Variants in TBC1D9 observed in about 807,000 individuals in gnomAD.
TBC1D9 encodes TBC1 domain family member 9A.
Under a neutral mutation model 132.0 loss-of-function variants are expected in TBC1D9, and 63 were observed. The ratio of observed to expected loss-of-function variants is 0.48; its 90% CI spans 0.39 to 0.59. TBC1D9 has a LOEUF of 0.59. TBC1D9 is among the 20% of genes least tolerant of loss of function. The probability of loss-of-function intolerance (pLI) is 0.00; values close to 1 mark genes in which losing one functional copy is unlikely to be tolerated. For missense variants in TBC1D9, 1,261 were observed against 1,592.7 expected, an observed-to-expected ratio of 0.79 and a Z score of 3.54; for synonymous variants, 610 against 609.9, an observed-to-expected ratio of 1.00 and a Z score of 0.00.
rs115212684 is a variant in TBC1D9 at position 140,681,520 on chromosome 4, A to C, written c.361-1677T>G. 7.1e-3 allele frequency among the ~76,000 whole-genome samples: 1,079 copies of C among 152,286 alleles called. 7 individuals carry two copies. The highest frequency in any genetic ancestry group is 0.025 in the African/African-American group (1,030 of 41,560). On this transcript the variant is annotated intron_variant, in intron 3 of 20. Transcript: ENST00000442267. Reference sequence around the variant, plus strand: ...AAAAGTAAGCATGTAGACAATAATCATAACAGCAAATGGTGGGCTTACGAT... The same window carrying C: ...AAAAGTAAGCATGTAGACAATAATCCTAACAGCAAATGGTGGGCTTACGAT...
chr4:140,688,303 A>T (rs1467647730), intron 2 of TBC1D9, among the ~76,000 whole-genome samples: 1 of 152,186 alleles, frequency 6.6e-6, no homozygotes, highest in Non-Finnish European at 1.5e-5. Context: ...CTCTGCCACC[A>T]GTCACCTGGG....
intron 1 of TBC1D9, among the ~76,000 whole-genome samples, chr4:140,742,729 C>T (rs931829613): frequency 3.3e-5 from 5 of 151,986 alleles, no homozygotes; most frequent in Admixed American, 3.3e-4. Flanking sequence ...CCACAAACCC[C>T]CAAAGAGAAA....
Position 140,756,140 on chromosome 4 carries a change from C to T in TBC1D9, c.-95G>A. 10 of 1,018,178 alleles carry T rather than the reference C, an allele frequency of 9.8e-6. No individual in the cohort carries two copies. Among genetic ancestry groups the T allele is most frequent in the East Asian group, 3.2e-5 (1 of 30,870 alleles). 63.1% of individuals were successfully genotyped at this position (1,018,178 alleles called of 1,614,324 possible). On this transcript the variant is annotated 5_prime_UTR_variant, in exon 1 of 21. Coordinates refer to ENST00000442267, the MANE Select transcript of TBC1D9 (RefSeq NM_015130.3). This position sits in a 1 kb window ranked among gnomAD's most constrained non-coding sequence, Gnocchi z 5.6. ...GCGCGCACTCCTGGGCACACGCGCG[C>T]CCGCCCGCCCGTCCGCTAGGTGCGG...
Position 140,745,553 on chromosome 4 carries a change from T to C in TBC1D9, c.130+10363A>G, listed in dbSNP as rs115474782. On this transcript the variant is annotated intron_variant, in intron 1 of 20. Coordinates refer to ENST00000442267, the MANE Select transcript of TBC1D9 (RefSeq NM_015130.3). Reference sequence around the variant, plus strand: ...TGAACCACTTCCATTTAATGAACAGTAAATATACTTTCTTTTCCTTAGGAT... The same window carrying C: ...TGAACCACTTCCATTTAATGAACAGCAAATATACTTTCTTTTCCTTAGGAT... Among the ~76,000 whole-genome samples, 384 of 152,306 alleles carry C rather than the reference T, an allele frequency of 2.5e-3. 2 individuals are homozygous for C. Among genetic ancestry groups the C allele is most frequent in the African/African-American group, 8.3e-3 (347 of 41,566 alleles).
In TBC1D9 at chr4:140,627,525, G is replaced by T; in HGVS notation, c.2815C>A (p.Pro939Thr). ...LLYKMHVLPE[P>T]SSDQDEPDSA... ...TCTGGTTCATCTTGATCAGAGGATGGCTCTAGGGAGGGGAGGAAACATAGT... is the reference window on the plus strand; with the variant it reads ...TCTGGTTCATCTTGATCAGAGGATGTCTCTAGGGAGGGGAGGAAACATAGT... Residue 939 changes from proline to threonine, a missense_variant and splice_region_variant, in exon 18 of 21, where the codon CCA (proline) becomes ACA (threonine). By Grantham distance (38) the Pro-to-Thr change is conservative (BLOSUM62 -1). Around this residue, in one of 3 missense-constraint regions of TBC1D9, gnomAD observed 618 missense variants for 724.4 expected, o/e 0.85. Transcript: ENST00000442267. 1 of 1,600,810 alleles carries T rather than the reference G, an allele frequency of 6.2e-7. No homozygotes were observed. Among genetic ancestry groups the T allele is most frequent in the Non-Finnish European group, 8.5e-7 (1 of 1,169,982 alleles).
intron 1 of TBC1D9, among the ~76,000 whole-genome samples, chr4:140,730,933 G>A (rs1292140642): frequency 2.6e-5 from 4 of 152,158 alleles, no homozygotes; most frequent in African/African-American, 7.2e-5. Context: ...GATGCTTTGA[G>A]CTGGTATTCC....
intron 1 of TBC1D9, among the ~76,000 whole-genome samples, chr4:140,736,099 A>G (rs1738669103): frequency 6.6e-6 from 1 of 152,164 alleles, no homozygotes. Context: ...AGAAAGCTAC[A>G]TGATACCTCC....
chr4:140,718,266 T>C (rs1463575129), intron 1 of TBC1D9, among the ~76,000 whole-genome samples: 1 of 128,308 alleles, frequency 7.8e-6, no homozygotes, highest in Non-Finnish European at 1.6e-5. Flanking sequence ...AAAAAAAAAG[T>C]ACATTCAGCT....
intron 13 of TBC1D9, chr4:140,642,718 T>A: frequency 1.5e-6 from 1 of 654,582 alleles, no homozygotes; most frequent in Non-Finnish European, 2.7e-6. Context: ...CCTTGGGCCC[T>A]TTGTGTCTCT....
At position 140,670,810 on chromosome 4, in the gene TBC1D9, C is replaced by T. The variant is rs754181336; in HGVS notation, c.1176G>A (p.Val392=). ...GTTGCAGGAAATCTGAGATCCTCTG[C>T]ACTAGAAAGTCTCTATCTTTCAAGT... The part of the protein sequence containing the change: ...FANLKDRDFL[V]QRISDFLQQT... Residue 392 remains valine, a synonymous_variant, in exon 7 of 21, where the codon GTG becomes GTA. Coordinates refer to ENST00000442267, the MANE Select transcript of TBC1D9 (RefSeq NM_015130.3). The T allele has an allele frequency of 6.2e-7, 1 of 1,613,984 alleles. No individual in the cohort carries two copies. The highest frequency in any genetic ancestry group is 1.1e-5 in the South Asian group (1 of 91,082).
intron 16 of TBC1D9, among the ~76,000 whole-genome samples, chr4:140,632,979 G>T (rs140158680): frequency 6.6e-6 from 1 of 152,288 alleles, no homozygotes; most frequent in East Asian, 1.9e-4. Flanking sequence ...TCTTTTAAGC[G>T]TATAGATGAG....
chr4:140,737,410 A>G (rs953663443), intron 1 of TBC1D9, among the ~76,000 whole-genome samples: 13 of 150,802 alleles, frequency 8.6e-5, no homozygotes, highest in Non-Finnish European at 1.6e-4. Context: ...CTCTGCCTGA[A>G]TAGCTCTCTC....
rs529539478 is a variant in TBC1D9 at position 140,677,754 on chromosome 4, G to A, written c.852-653C>T. Among the ~76,000 whole-genome samples the A allele has an allele frequency of 3.8e-4, 58 of 152,250 alleles. 1 individual carries two copies. The South Asian group carries it at 0.011, about 29-fold the overall frequency. Reference sequence around the variant, plus strand: ...TCATAGAGCAAAGGTCCATGATGCAGAAGCCCCCTCCAATTCCTTCCCTTC... The same window carrying A: ...TCATAGAGCAAAGGTCCATGATGCAAAAGCCCCCTCCAATTCCTTCCCTTC... On this transcript the variant is annotated intron_variant, in intron 5 of 20. Coordinates refer to ENST00000442267, the MANE Select transcript of TBC1D9 (RefSeq NM_015130.3).
In TBC1D9 at chr4:140,647,039, G is replaced by T. The variant is rs79986780; in HGVS notation, c.2338-7611C>A. 2.9e-3 allele frequency among the ~76,000 whole-genome samples: 438 copies of T among 152,278 alleles called. 3 individuals are homozygous for T. Among genetic ancestry groups the T allele is most frequent in the African/African-American group, 0.01 (426 of 41,554 alleles). ...TTTGATCCAAACAGAAAAGCAGTGA[G>T]CATCCATTGCAAATTACATGCCTAC... On this transcript the variant is annotated intron_variant, in intron 13 of 20. Transcript: ENST00000442267.
intron 1 of TBC1D9, among the ~76,000 whole-genome samples, chr4:140,716,318 T>G (rs1236341625): frequency 1.3e-5 from 2 of 151,912 alleles, no homozygotes; most frequent in African/African-American, 4.8e-5. Flanking sequence ...GAGACTCCTA[T>G]GTCTACAAAA....
chr4:140,741,671 T>A (rs1738760514), intron 1 of TBC1D9, among the ~76,000 whole-genome samples: 1 of 152,124 alleles, frequency 6.6e-6, no homozygotes, highest in East Asian at 1.9e-4. Context: ...TGAGCAGAGA[T>A]CATGCCAATG....
chr4:140,677,412 A>G (rs2111016356), intron 5 of TBC1D9, among the ~76,000 whole-genome samples: 1 of 152,316 alleles, frequency 6.6e-6, no homozygotes, highest in African/African-American at 2.4e-5. Flanking sequence ...AATACACTCT[A>G]AAGAGGTCAC....
chr4:140,701,467 T>C (rs775828658), intron 2 of TBC1D9, 37 bp downstream of exon 2: 13 of 1,545,628 alleles, frequency 8.4e-6, no homozygotes, highest in Non-Finnish European at 1.2e-5. Flanking sequence ...CTAACGCTTC[T>C]TTTAAAACTT....
chr4:140,720,988 C>T (rs973051404), intron 1 of TBC1D9, among the ~76,000 whole-genome samples: 2 of 152,148 alleles, frequency 1.3e-5, no homozygotes, highest in Non-Finnish European at 2.9e-5. Context: ...TGCTCTTTCA[C>T]CGAGGTCAGA....
Sources: allele counts gnomAD v4.1 joint callset (sites outside exome capture counted in the v4.1 genomes callset), GRCh38; gene constraint gnomAD v4.1.1; regional missense constraint gnomAD v4.1.1; non-coding constraint Gnocchi (gnomAD v3.1); transcripts MANE v1.5; gene names NCBI Gene and HGNC (gene_info 2026-07-23, HGNC 2026-07-21).